The following TTC28 variants were observed in gnomAD, a reference collection of about 807,000 sequenced individuals.
The protein encoded by TTC28 is tetratricopeptide repeat protein 28.
Under a neutral mutation model 198.0 loss-of-function variants are expected in TTC28, and 61 were observed. The ratio of observed to expected loss-of-function variants is 0.31; its 90% CI spans 0.25 to 0.38. The LOEUF is 0.38. Ranked by LOEUF, TTC28 falls within the 10% of genes least tolerant of loss-of-function variation. The pLI, the probability that TTC28 is intolerant of heterozygous loss-of-function variation, is 1.00. For missense variants in TTC28, 2,678 were observed against 3,164.0 expected (o/e 0.85, Z 3.69); for synonymous variants, 1,171 against 1,297.8 (o/e 0.90, Z 2.10).
intron 12 of TTC28, among the ~76,000 whole-genome samples, chr22:28,060,195 C>T (rs182812162): frequency 4.6e-5 from 7 of 152,034 alleles, no homozygotes; most frequent in African/African-American, 1.7e-4. Flanking sequence ...TGTGCTGCAC[C>T]CATTAACTCA....
At chr22:28,016,168 G>A (rs144923634) in intron 13 of TTC28, among the ~76,000 whole-genome samples, 12 of 152,122 alleles carry the variant, frequency 7.9e-5, no homozygotes, top group African/African-American at 2.2e-4. Flanking sequence ...ACTCACATCC[G>A]CTCCCTGGCC....
intron 2 of TTC28, among the ~76,000 whole-genome samples, chr22:28,495,993 C>T (rs909819069): frequency 6.6e-6 from 1 of 152,132 alleles, no homozygotes; most frequent in Admixed American, 6.5e-5. Context: ...CTCATATTAA[C>T]TGAATCCATT....
In TTC28 at chr22:28,108,132, G is replaced by A. The variant is rs1942376784; in HGVS notation, c.1713C>T (p.Asp571=). The A allele has an allele frequency of 1.3e-6, 2 of 1,551,710 alleles. No homozygotes were observed. Among genetic ancestry groups the A allele is most frequent in the South Asian group, 2.4e-5 (2 of 84,062 alleles). The change falls in exon 7 of 23, where the codon GAC becomes GAT. Residue 571 remains aspartate, a synonymous_variant. Coordinates refer to ENST00000397906, the MANE Select transcript of TTC28 (RefSeq NM_001145418.2). Reference sequence around the variant, plus strand: ...GGTTCTGATAGTGTTGCAGGGCCCGGTCATGGGCACCCAGGGCCTGGTAGG... The same window carrying A: ...GGTTCTGATAGTGTTGCAGGGCCCGATCATGGGCACCCAGGGCCTGGTAGG... ...AVAYQALGAH[D]RALQHYQNHL...
intron 6 of TTC28, among the ~76,000 whole-genome samples, chr22:28,136,200 A>C (rs560214639): frequency 1.2e-4 from 18 of 152,286 alleles, no homozygotes; most frequent in Non-Finnish European, 2.1e-4. Context: ...GCTAGAGTTC[A>C]GTGGTGTGAT....
intron 18 of TTC28, 124 bp downstream of exon 18, chr22:27,993,163 C>A (rs532073774): frequency 2.2e-6 from 2 of 897,116 alleles, no homozygotes; most frequent in Non-Finnish European, 3.3e-6. Context: ...TGCCATTTCT[C>A]AGGACACCCT....
chr22:28,641,949 A>C (rs2051372578), intron 1 of TTC28, among the ~76,000 whole-genome samples: 1 of 152,200 alleles, frequency 6.6e-6, no homozygotes, highest in Non-Finnish European at 1.5e-5. Flanking sequence ...GTGTACGTAT[A>C]AATTACCCAT....
chr22:28,413,423 T>TA (rs908424064), intron 2 of TTC28, among the ~76,000 whole-genome samples: 22 of 148,836 alleles, frequency 1.5e-4, no homozygotes, highest in East Asian at 9.8e-4. Context: ...GTCTTAAAAT[T>TA]AAAAAAAAAA....
chr22:28,502,118 T>C (rs16986487), intron 2 of TTC28, among the ~76,000 whole-genome samples: 2,466 of 152,316 alleles, frequency 0.016, 89 homozygotes, highest in African/African-American at 0.057. Context: ...TTTTTGGTGA[T>C]GGTCTATAAC....
chr22:28,534,806 G>C (rs180780082), intron 2 of TTC28, among the ~76,000 whole-genome samples: 1 of 151,952 alleles, frequency 6.6e-6, no homozygotes, highest in Non-Finnish European at 1.5e-5. Context: ...GCAAACTATC[G>C]CAAGGAAAGA....
intron 2 of TTC28, among the ~76,000 whole-genome samples, chr22:28,435,342 T>C (rs2047504053): frequency 6.6e-6 from 1 of 152,132 alleles, no homozygotes; most frequent in Non-Finnish European, 1.5e-5. Context: ...TAGAAGAACC[T>C]AAAAAGGGTG....
chr22:28,424,206 A>T (rs1303171324), intron 2 of TTC28, among the ~76,000 whole-genome samples: 1 of 152,206 alleles, frequency 6.6e-6, no homozygotes, highest in East Asian at 1.9e-4. Context: ...TTACTTGCCC[A>T]TAACACTTTA....
chr22:28,342,524 T>C (rs935668662), intron 2 of TTC28, among the ~76,000 whole-genome samples: 2 of 152,196 alleles, frequency 1.3e-5, no homozygotes, highest in African/African-American at 4.8e-5. Flanking sequence ...ATCTAAACTT[T>C]TATTTTCGGC....
chr22:28,055,073 G>C lies in TTC28; in HGVS notation c.3933-24707C>G, dbSNP rs994986310. 3.3e-5 allele frequency among the ~76,000 whole-genome samples: 5 copies of C among 152,226 alleles called. No individual in the cohort carries two copies. The East Asian group carries it at 9.6e-4, about 29-fold the overall frequency. On this transcript the variant is annotated intron_variant, in intron 12 of 22. Transcript: ENST00000397906. ...TTCAGCAAGTCTGGCAGTATATGAG[G>C]GATGGGTAAAAGCAATGATAAATCA...
At chr22:28,219,027 G>T (rs1927633064) in intron 5 of TTC28, among the ~76,000 whole-genome samples, 1 of 151,794 alleles carries the variant, frequency 6.6e-6, no homozygotes, top group African/African-American at 2.4e-5. Flanking sequence ...TGGATTCCCT[G>T]AAAGGATCTC....
At position 28,105,419 on chromosome 22, in the gene TTC28, G is replaced by A; in HGVS notation, c.3167C>T (p.Ala1056Val). 1 of 1,551,728 alleles carries A rather than the reference G, an allele frequency of 6.4e-7. No individual in the cohort carries two copies. Among genetic ancestry groups the A allele is most frequent in the Non-Finnish European group, 8.7e-7 (1 of 1,147,004 alleles). The change falls in exon 8 of 23, where the codon GCT becomes GTT. Residue 1056 changes from alanine (A) to valine (V), a missense_variant. Coordinates refer to ENST00000397906, the MANE Select transcript of TTC28 (RefSeq NM_001145418.2). ...TYESLGTFER[A>V]VVYQEQHLSI... ...CAAGTGCTGTTCTTGATAGACCACA[G>A]CCCTCTCGAAGGTGCCCAGGGATTC... is the stretch of plus-strand genomic sequence containing the variant.
intron 6 of TTC28, among the ~76,000 whole-genome samples, chr22:28,112,214 C>T (rs1942502245): frequency 6.6e-6 from 1 of 152,052 alleles, no homozygotes; most frequent in South Asian, 2.1e-4. Context: ...TAAACTAAAA[C>T]ATGGTATCTA....
intron 2 of TTC28, among the ~76,000 whole-genome samples, chr22:28,328,402 C>CT (rs1273341476): frequency 6.6e-6 from 1 of 151,652 alleles, no homozygotes; most frequent in Non-Finnish European, 1.5e-5. Context: ...AATCACACCA[C>CT]TCCACTTCAG....
intron 2 of TTC28, among the ~76,000 whole-genome samples, chr22:28,355,207 A>T (rs1569279074): frequency 6.6e-6 from 1 of 152,142 alleles, no homozygotes; most frequent in African/African-American, 2.4e-5. Flanking sequence ...CAGAGGTTAA[A>T]ATCTACTTGC....
chr22:28,052,093 G>A (rs1323444938), intron 12 of TTC28, among the ~76,000 whole-genome samples: 3 of 152,154 alleles, frequency 2.0e-5, no homozygotes, highest in Admixed American at 6.5e-5. Flanking sequence ...GAATTAATTG[G>A]AAAAGAGATG....
Sources: gnomAD v4.1 joint callset for allele counts (sites outside exome capture counted in the v4.1 genomes callset) on GRCh38, gnomAD v4.1.1 for gene constraint, MANE v1.5 for transcripts, NCBI Gene and HGNC (gene_info 2026-07-23, HGNC 2026-07-21) for gene names.